Variants in DOK5 observed in about 807,000 individuals in gnomAD.
DOK5 encodes downstream of tyrosine kinase 5.
Under a neutral mutation model 43.3 loss-of-function variants are expected in DOK5, and 27 were observed. That is an observed-to-expected ratio of 0.62 (90% CI 0.46 to 0.86). DOK5 has a LOEUF of 0.86. DOK5 is among the 40% of genes least tolerant of loss of function. The probability of loss-of-function intolerance (pLI) is 0.00; values close to 1 mark genes in which losing one functional copy is unlikely to be tolerated. For synonymous variants in DOK5, 146 were observed against 140.1 expected (o/e 1.04, Z -0.30); for missense variants, 373 against 392.9 (o/e 0.95, Z 0.43).
intron 5 of DOK5, among the ~76,000 whole-genome samples, chr20:54,604,928 A>G (rs1324946376): frequency 1.3e-5 from 2 of 151,816 alleles, no homozygotes; most frequent in South Asian, 2.1e-4. Context: ...TGAACCTGGA[A>G]GGTGGAAAGG....
chr20:54,514,041 A>G (rs1983105109), intron 1 of DOK5, among the ~76,000 whole-genome samples: 1 of 152,206 alleles, frequency 6.6e-6, no homozygotes, highest in Non-Finnish European at 1.5e-5. Flanking sequence ...CTCATTGTGC[A>G]CTGCAGGATG....
intron 6 of DOK5, among the ~76,000 whole-genome samples, chr20:54,628,257 A>C (rs1272826466): frequency 6.6e-6 from 1 of 151,766 alleles, no homozygotes; most frequent in East Asian, 1.9e-4. Context: ...AAATACAAAA[A>C]AATTAGCCCG....
At chr20:54,585,785 T>C (rs1985784180) in intron 2 of DOK5, among the ~76,000 whole-genome samples, 1 of 152,194 alleles carries the variant, frequency 6.6e-6, no homozygotes, top group South Asian at 2.1e-4. Flanking sequence ...AATAGTAATA[T>C]TTATTTCACA....
intron 6 of DOK5, among the ~76,000 whole-genome samples, chr20:54,620,440 T>C (rs1986943584): frequency 6.6e-6 from 1 of 152,190 alleles, no homozygotes; most frequent in African/African-American, 2.4e-5. Context: ...GGTTTCACCA[T>C]GTTGGCCAGG....
chr20:54,604,190 C>T (rs1412766899), intron 5 of DOK5, among the ~76,000 whole-genome samples: 1 of 152,026 alleles, frequency 6.6e-6, no homozygotes, highest in Non-Finnish European at 1.5e-5. Flanking sequence ...TAGTGATCCA[C>T]CCACCTCGGC....
chr20:54,642,469 C>T (rs953458802), intron 6 of DOK5, among the ~76,000 whole-genome samples: 12 of 146,966 alleles, frequency 8.2e-5, no homozygotes, highest in African/African-American at 1.0e-4. Context: ...TCTGGGAGGC[C>T]GAGGTGGGTG....
At chr20:54,630,054 A>C (rs1203987473) in intron 6 of DOK5, among the ~76,000 whole-genome samples, 1 of 151,800 alleles carries the variant, frequency 6.6e-6, no homozygotes, top group African/African-American at 2.4e-5. Flanking sequence ...GTTTTGAGAA[A>C]GGGTGATATG....
intron 6 of DOK5, among the ~76,000 whole-genome samples, chr20:54,620,520 T>A (rs1268711071): frequency 1.3e-5 from 2 of 152,230 alleles, no homozygotes; most frequent in Non-Finnish European, 2.9e-5. Context: ...ATTACAGGCA[T>A]GAGCCACAGC....
chr20:54,512,550 C>T (rs1983048488), intron 1 of DOK5, among the ~76,000 whole-genome samples: 1 of 152,000 alleles, frequency 6.6e-6, no homozygotes, highest in Non-Finnish European at 1.5e-5. Flanking sequence ...TAATTATAGG[C>T]CCACTAATTA....
intron 1 of DOK5, among the ~76,000 whole-genome samples, chr20:54,478,014 G>A (rs1981503866): frequency 6.6e-6 from 1 of 152,164 alleles, no homozygotes; most frequent in African/African-American, 2.4e-5. Flanking sequence ...CAGCATTTTG[G>A]ATGCTAATGA....
intron 2 of DOK5, among the ~76,000 whole-genome samples, chr20:54,582,444 C>T (rs1219794316): frequency 6.6e-6 from 1 of 151,404 alleles, no homozygotes; most frequent in Non-Finnish European, 1.5e-5. Context: ...ATTAATTCTT[C>T]TTTAAATGTT....
In DOK5 at chr20:54,475,763, G is replaced by C. The variant is rs1981392920; in HGVS notation, c.-184G>C. 1.4e-6 allele frequency: 1 copy of C among 728,344 alleles called. No individual in the cohort carries two copies. The highest frequency in any genetic ancestry group is 2.2e-6 in the Non-Finnish European group (1 of 455,876). The allele number at this position is 728,344 out of a possible 1,614,324, so 45.1% of individuals were successfully genotyped here. A position where few individuals can be genotyped will look rare whatever the true frequency, so the allele number is the denominator to read the frequency against. On this transcript the variant is annotated 5_prime_UTR_variant, in exon 1 of 8. Coordinates refer to ENST00000262593, the MANE Select transcript of DOK5 (RefSeq NM_018431.5). The surrounding 1 kb of genome is among the most constrained non-coding windows in gnomAD (Gnocchi z 4.2). ...AGTGGCTGCAAGCCGGCCGCCCACT[G>C]TCAGGGTTGGGGGGACAGAGAAAGT...
At chr20:54,647,497 C>T (rs1247617534) in intron 7 of DOK5, among the ~76,000 whole-genome samples, 1 of 145,324 alleles carries the variant, frequency 6.9e-6, no homozygotes, top group African/African-American at 2.6e-5. Flanking sequence ...AAGAGTGAAA[C>T]TCTGTCTCAG....
At chr20:54,548,733 C>CT (rs1452201698) in intron 1 of DOK5, among the ~76,000 whole-genome samples, 2 of 152,166 alleles carry the variant, frequency 1.3e-5, no homozygotes, top group African/African-American at 4.8e-5. Context: ...GCCCTAAACT[C>CT]TTAAGCGAAT....
rs953408259 is a variant in DOK5 at position 54,508,790 on chromosome 20, G to C, written c.66+32778G>C. Among the ~76,000 whole-genome samples, 4 of 152,018 alleles carry C rather than the reference G, an allele frequency of 2.6e-5. No homozygotes were observed. In the South Asian group the frequency reaches 8.3e-4, roughly 32 times the overall value. On this transcript the variant is annotated intron_variant, in intron 1 of 7. Transcript: ENST00000262593. ...AGACGGGGTTTCTCCATGTTGGCCA[G>C]GCTGGTCTTGAACTCCTGACCTCAG...
At chr20:54,647,483 CA>C (rs1317682104) in intron 7 of DOK5, among the ~76,000 whole-genome samples, 4 of 141,498 alleles carry the variant, frequency 2.8e-5, no homozygotes, top group Non-Finnish European at 6.0e-5. Context: ...CCTGCCTGGG[CA>C]ACAAGAGTGA....
At chr20:54,620,423 GA>G (rs1242813000) in intron 6 of DOK5, among the ~76,000 whole-genome samples, 2 of 152,094 alleles carry the variant, frequency 1.3e-5, no homozygotes, top group African/African-American at 4.8e-5. Context: ...ATTTTTAGTA[GA>G]CACAGGGTTT....
At chr20:54,541,221 T>C (rs1984148432) in intron 1 of DOK5, among the ~76,000 whole-genome samples, 1 of 152,168 alleles carries the variant, frequency 6.6e-6, no homozygotes, top group Non-Finnish European at 1.5e-5. Context: ...GTCCAGATTC[T>C]TAGCACTTTC....
intron 1 of DOK5, among the ~76,000 whole-genome samples, chr20:54,536,221 T>C (rs1983957920): frequency 6.6e-6 from 1 of 152,048 alleles, no homozygotes; most frequent in Non-Finnish European, 1.5e-5. Context: ...TGCTTTAGAT[T>C]TGGGAGATGG....
Sources: gnomAD v4.1 joint callset for allele counts (sites outside exome capture counted in the v4.1 genomes callset) on GRCh38, gnomAD v4.1.1 for gene constraint, Gnocchi (gnomAD v3.1) non-coding constraint, MANE v1.5 for transcripts, NCBI Gene and HGNC (gene_info 2026-07-23, HGNC 2026-07-21) for gene names.